The following NRL variants were observed in gnomAD, a reference collection of about 807,000 sequenced individuals.
The protein encoded by NRL is neural retina leucine zipper.
Under a neutral mutation model 12.5 loss-of-function variants are expected in NRL, and 16 were observed. The observed-to-expected ratio is 1.28, with a 90% CI of 0.87 to 1.95. The LOEUF is 1.95. Ranked by LOEUF, NRL falls within the 30% of genes most tolerant of loss-of-function variation. The pLI, the probability that NRL is intolerant of heterozygous loss-of-function variation, is 0.00. For missense variants in NRL, 314 were observed against 325.8 expected, an observed-to-expected ratio of 0.96 and a Z score of 0.28; for synonymous variants, 142 against 150.9, an observed-to-expected ratio of 0.94 and a Z score of 0.43.
chr14:24,110,541 TACAACAA>T (rs1954442806), intron 1 of NRL: 1 of 166,684 alleles, frequency 6.0e-6, no homozygotes, highest in Non-Finnish European at 1.4e-5. Flanking sequence ...AATAGAAGGC[TACAACAA>T]ACCTATACCA....
chr14:24,089,255 C>CT lies in NRL; in HGVS notation c.-27-6381dup, dbSNP rs916639216. On this transcript the variant is annotated intron_variant, in intron 1 of 2. Coordinates refer to ENST00000561028, the MANE Select transcript of NRL (RefSeq NM_001354768.3). ...CCGACCCTGAGTTATACATTTTAAT[C>CT]TTTTTTTTTTGAGACAGGGTCTCGC... Among the ~76,000 whole-genome samples, 39 of 147,866 alleles carry CT rather than the reference C, an allele frequency of 2.6e-4. No individual in the cohort carries two copies. In the East Asian group the frequency reaches 3.4e-3, roughly 13 times the overall value.
rs111723834 is a variant in NRL at position 24,103,723 on chromosome 14, G to A, written c.-28+10999C>T. On this transcript the variant is annotated intron_variant, in intron 1 of 2. Transcript: ENST00000561028. ...CGGGTGCTAGACTGGATCTGCCGGC[G>A]GTTAGAGGGGGAGGACAGTGCCCGA... The A allele has an allele frequency of 0.013, 20,205 of 1,614,166 alleles. 153 individuals carry two copies. Among genetic ancestry groups the A allele is most frequent in the Non-Finnish European group, 0.016 (18,823 of 1,180,024 alleles).
chr14:24,103,232 C>T, intron 1 of NRL: 1 of 1,613,764 alleles, frequency 6.2e-7, no homozygotes, highest in East Asian at 2.2e-5. Context: ...CGCTCTGAGT[C>T]CACTGCTGCA....
chr14:24,100,735 T>A (rs777435038), intron 1 of NRL, among the ~76,000 whole-genome samples: 5 of 152,330 alleles, frequency 3.3e-5, no homozygotes, highest in East Asian at 1.9e-4. Context: ...GTCCCCTGTA[T>A]AATAACCACT....
chr14:24,109,975 C>T (rs1328188476), intron 1 of NRL, among the ~76,000 whole-genome samples: 2 of 152,090 alleles, frequency 1.3e-5, no homozygotes, highest in East Asian at 3.8e-4. Context: ...ATAAGTTTAA[C>T]AGAAGTTTTT....
At chr14:24,109,289 C>T (rs565574404) in intron 1 of NRL, among the ~76,000 whole-genome samples, 1 of 152,094 alleles carries the variant, frequency 6.6e-6, no homozygotes, top group South Asian at 2.1e-4. Flanking sequence ...TAAAGATATG[C>T]CATTTTATTT....
intron 1 of NRL, among the ~76,000 whole-genome samples, chr14:24,092,786 A>G (rs2036675266): frequency 6.6e-6 from 1 of 152,224 alleles, no homozygotes; most frequent in South Asian, 2.1e-4. Context: ...GCAGAACTCC[A>G]ATTAAAATTA....
intron 1 of NRL, chr14:24,099,145 G>T (rs1174364843): frequency 1.2e-6 from 2 of 1,611,862 alleles, no homozygotes; most frequent in African/African-American, 2.7e-5. Context: ...AGCGGCTATG[G>T]TGGCAACTCC....
In NRL at chr14:24,114,891, G is replaced by A. The variant is rs1443222329; in HGVS notation, c.-197C>T. ...CGGCAGTCGGTGTAAACAAGGCCTC[G>A]CGCCGCTGCGGGTCCTGCGACCGCT... On this transcript the variant is annotated 5_prime_UTR_variant, in exon 1 of 3. Transcript: ENST00000561028. The A allele has an allele frequency of 1.0e-6, 1 of 985,958 alleles. No individual in the cohort carries two copies. The highest frequency in any genetic ancestry group is 1.1e-4 in the East Asian group (1 of 8,824). 61.1% of individuals were successfully genotyped at this position (985,958 alleles called of 1,614,324 possible). A position where few individuals can be genotyped will look rare whatever the true frequency, so the allele number is the denominator to read the frequency against.
At chr14:24,090,283 A>G (rs966053582) in intron 1 of NRL, among the ~76,000 whole-genome samples, 11 of 4,346 alleles carry the variant, frequency 2.5e-3, no homozygotes, top group African/African-American at 5.3e-3. Context: ...GGGGGGGGGC[A>G]CGGGGGGGGA....
Position 24,094,962 on chromosome 14 carries a change from AG to A in NRL, c.-27-12088del. The A allele has an allele frequency of 2.4e-6, 2 of 839,270 alleles. No homozygotes were observed. The highest frequency in any genetic ancestry group is 3.0e-5 in the South Asian group (2 of 67,648). 52.0% of individuals were successfully genotyped at this position (839,270 alleles called of 1,614,324 possible). ...TGGAACCTGGCGGGAAGTCCAGAGC[AG>A]CCCGAGGGACCTGGGCCCAGGGGAG... is the stretch of plus-strand genomic sequence containing the variant. On this transcript the variant is annotated intron_variant, in intron 1 of 2. Transcript: ENST00000561028. This position sits in a 1 kb window ranked among gnomAD's most constrained non-coding sequence, Gnocchi z 4.1.
intron 1 of NRL, chr14:24,110,283 A>T: frequency 3.1e-6 from 1 of 322,528 alleles, no homozygotes; most frequent in Admixed American, 3.7e-5. Context: ...TTGTTTTTGT[A>T]TTTTTCGTAG....
intron 1 of NRL, among the ~76,000 whole-genome samples, chr14:24,105,331 C>T (rs1378524790): frequency 6.6e-6 from 1 of 152,222 alleles, no homozygotes; most frequent in Non-Finnish European, 1.5e-5. Context: ...GTGTCATGGC[C>T]ATCACAAACA....
chr14:24,094,753 C>G lies in NRL; in HGVS notation c.-27-11878G>C. ...CTGAGCCAGGTCTCCGCATATCCTC[C>G]TTTCCTTCCCAGATACCTCCCTCGG... On this transcript the variant is annotated intron_variant, in intron 1 of 2. Coordinates refer to ENST00000561028, the MANE Select transcript of NRL (RefSeq NM_001354768.3). The surrounding 1 kb of genome is among the most constrained non-coding windows in gnomAD (Gnocchi z 4.1). 2.1e-6 allele frequency: 3 copies of G among 1,457,976 alleles called. No homozygotes were observed. The highest frequency in any genetic ancestry group is 2.7e-6 in the Non-Finnish European group (3 of 1,097,188). The allele number at this position is 1,457,976 out of a possible 1,614,324, so 90.3% of individuals were successfully genotyped here. A position where few individuals can be genotyped will look rare whatever the true frequency, so the allele number is the denominator to read the frequency against.
intron 1 of NRL, among the ~76,000 whole-genome samples, chr14:24,093,678 G>A (rs1027053970): frequency 2.0e-5 from 3 of 152,146 alleles, no homozygotes; most frequent in African/African-American, 7.2e-5. Flanking sequence ...GTAAGACTCC[G>A]TCAGGGGAAG....
intron 1 of NRL, chr14:24,114,186 G>A (rs1274346045): frequency 2.0e-5 from 3 of 152,300 alleles, no homozygotes; most frequent in Non-Finnish European, 1.5e-5. Flanking sequence ...AACCGGAAAA[G>A]CTTTGACAGA....
At chr14:24,093,171 C>T (rs1206888212) in intron 1 of NRL, 1 of 152,322 alleles carries the variant, frequency 6.6e-6, no homozygotes, top group Non-Finnish European at 1.5e-5. Flanking sequence ...AAAAGAAAAT[C>T]AGGGTGCTAT....
At chr14:24,107,864 G>A (rs1478037568) in intron 1 of NRL, among the ~76,000 whole-genome samples, 2 of 152,136 alleles carry the variant, frequency 1.3e-5, no homozygotes, top group Non-Finnish European at 2.9e-5. Context: ...CAGGATAACT[G>A]CTTAATTCTT....
chr14:24,114,571 G>T, intron 1 of NRL, 151 bp downstream of exon 1: 1 of 627,484 alleles, frequency 1.6e-6, no homozygotes, highest in Non-Finnish European at 2.0e-6. Flanking sequence ...TCTTTTTTAA[G>T]CCCCGCCTCT....
Sources: gnomAD v4.1 joint callset for allele counts (sites outside exome capture counted in the v4.1 genomes callset) on GRCh38, gnomAD v4.1.1 for gene constraint, Gnocchi (gnomAD v3.1) non-coding constraint, MANE v1.5 for transcripts, NCBI Gene and HGNC (gene_info 2026-07-23, HGNC 2026-07-21) for gene names.